Variants in POU6F2 observed in about 807,000 individuals in gnomAD.
POU6F2 encodes POU class 6 homeobox 2, also known as POU domain, class 6, transcription factor 2.
A neutral mutation model predicts 71.3 loss-of-function variants in POU6F2; 31 were observed. That is an observed-to-expected ratio of 0.43 (90% CI 0.33 to 0.59). POU6F2 has a LOEUF of 0.59. Ranked by LOEUF, POU6F2 falls within the 20% of genes least tolerant of loss-of-function variation. The probability of loss-of-function intolerance (pLI) is 0.04; values close to 1 mark genes in which losing one functional copy is unlikely to be tolerated. For missense variants in POU6F2, 783 were observed against 856.8 expected (o/e 0.91, Z 1.07); for synonymous variants, 347 against 355.7 (o/e 0.98, Z 0.27).
intron 4 of POU6F2, among the ~76,000 whole-genome samples, chr7:39,274,208 T>TA (rs1267090898): frequency 1.3e-5 from 2 of 151,962 alleles, no homozygotes; most frequent in Admixed American, 6.6e-5. Context: ...TAAAAAATGA[T>TA]AAAGGGGATA....
At chr7:39,062,068 T>C (rs1040590145) in intron 1 of POU6F2, among the ~76,000 whole-genome samples, 1 of 152,182 alleles carries the variant, frequency 6.6e-6, no homozygotes, top group Non-Finnish European at 1.5e-5. Context: ...GTGAAACTGG[T>C]CTTCTCTTCT....
intron 2 of POU6F2, among the ~76,000 whole-genome samples, chr7:39,165,186 T>C (rs951599768): frequency 6.6e-6 from 1 of 152,142 alleles, no homozygotes; most frequent in African/African-American, 2.4e-5. Context: ...AAAAGGCAAC[T>C]ACACTCCCCC....
At chr7:39,282,047 G>A (rs1784572474) in intron 4 of POU6F2, among the ~76,000 whole-genome samples, 1 of 152,120 alleles carries the variant, frequency 6.6e-6, no homozygotes, top group Non-Finnish European at 1.5e-5. Context: ...GATTGGTGAT[G>A]TTGAGTATTT....
chr7:39,073,127 T>G (rs778167176), intron 1 of POU6F2, among the ~76,000 whole-genome samples: 33 of 152,192 alleles, frequency 2.2e-4, no homozygotes, highest in Non-Finnish European at 4.4e-4. Context: ...AAATATTTGT[T>G]GAATTGCATC....
intron 1 of POU6F2, among the ~76,000 whole-genome samples, chr7:39,053,650 C>A (rs1790444285): frequency 6.6e-6 from 1 of 152,014 alleles, no homozygotes. Context: ...CAGATAATTG[C>A]CCATTTTTTT....
chr7:39,014,863 A>G (rs1354777650), intron 1 of POU6F2, among the ~76,000 whole-genome samples: 1 of 152,068 alleles, frequency 6.6e-6, no homozygotes, highest in East Asian at 1.9e-4. Context: ...GGCGCCTCCT[A>G]CTTCTTAGTT....
intron 8 of POU6F2, among the ~76,000 whole-genome samples, chr7:39,459,598 G>C (rs913445111): frequency 6.6e-6 from 1 of 152,146 alleles, no homozygotes; most frequent in African/African-American, 2.4e-5. Flanking sequence ...ATGGGCTATT[G>C]CGCAGAAAAA....
intron 2 of POU6F2, among the ~76,000 whole-genome samples, chr7:39,109,747 G>A (rs1791765368): frequency 6.6e-6 from 1 of 152,188 alleles, no homozygotes. Context: ...CATTACTGAT[G>A]AAGTTATATT....
At chr7:39,089,462 A>G (rs1184467352) in intron 2 of POU6F2, among the ~76,000 whole-genome samples, 3 of 152,342 alleles carry the variant, frequency 2.0e-5, no homozygotes, top group African/African-American at 7.2e-5. Context: ...ACATAGAGCC[A>G]GTCATTTAAT....
In POU6F2 at chr7:39,000,195, G is replaced by A. The variant is rs115313390; in HGVS notation, c.105+22137G>A. On this transcript the variant is annotated intron_variant, in intron 1 of 9. Coordinates refer to ENST00000518318, the MANE Select transcript of POU6F2 (RefSeq NM_001370959.1). ...AGGTGCCAGCAAGCATGTTTGGGGG[G>A]ACATTGGAGCACACTGTTTAAGCAG... Among the ~76,000 whole-genome samples the A allele has an allele frequency of 7.2e-3, 1,091 of 152,270 alleles. 12 individuals carry two copies. Among genetic ancestry groups the A allele is most frequent in the African/African-American group, 0.025 (1,052 of 41,552 alleles).
intron 5 of POU6F2, among the ~76,000 whole-genome samples, chr7:39,355,548 T>C (rs939366989): frequency 6.6e-6 from 1 of 152,028 alleles, no homozygotes; most frequent in African/African-American, 2.4e-5. Context: ...ATTTCTTAGG[T>C]GTATAGCAGG....
chr7:39,060,100 C>G (rs1487056637), intron 1 of POU6F2, among the ~76,000 whole-genome samples: 3 of 151,674 alleles, frequency 2.0e-5, no homozygotes, highest in Non-Finnish European at 4.4e-5. Context: ...CCCAGCTACT[C>G]GAGAGGCTGA....
At chr7:39,284,005 G>C (rs10247785) in intron 4 of POU6F2, among the ~76,000 whole-genome samples, 1 of 152,100 alleles carries the variant, frequency 6.6e-6, no homozygotes, top group African/African-American at 2.4e-5. Flanking sequence ...ACAAAAAAAG[G>C]ATGCAAATTT....
chr7:39,204,187 C>T, intron 2 of POU6F2, 48 bp from the exon 3 acceptor site: 9 of 1,515,150 alleles, frequency 5.9e-6, no homozygotes, highest in Non-Finnish European at 8.2e-6. Context: ...GACATCAGTT[C>T]CCAAGCTGGA....
chr7:39,394,239 C>A (rs1232826976), intron 5 of POU6F2, among the ~76,000 whole-genome samples: 1 of 152,132 alleles, frequency 6.6e-6, no homozygotes, highest in African/African-American at 2.4e-5. Flanking sequence ...TAATAGAGAA[C>A]ATTCTGTATT....
chr7:39,317,883 A>T (rs1785303453), intron 4 of POU6F2, among the ~76,000 whole-genome samples: 1 of 152,116 alleles, frequency 6.6e-6, no homozygotes, highest in Non-Finnish European at 1.5e-5. Flanking sequence ...GACATCTCTA[A>T]TTCTCATACA....
At chr7:39,067,889 G>C (rs1018711359) in intron 1 of POU6F2, among the ~76,000 whole-genome samples, 5 of 152,012 alleles carry the variant, frequency 3.3e-5, no homozygotes, top group Admixed American at 2.6e-4. Flanking sequence ...CATCTAATAG[G>C]TTAGAAAAAA....
rs1788086184 is a variant in POU6F2 at position 39,430,989 on chromosome 7, G to A, written c.1114-2088G>A. ...TGGGCCTCTCTTACCTTGCCTGTGGGGTCACAGGAGCCAGCCTTTGAATCC... is the reference window on the plus strand; with the variant it reads ...TGGGCCTCTCTTACCTTGCCTGTGGAGTCACAGGAGCCAGCCTTTGAATCC... On this transcript the variant is annotated intron_variant, in intron 6 of 9. Coordinates refer to ENST00000518318, the MANE Select transcript of POU6F2 (RefSeq NM_001370959.1). Among the ~76,000 whole-genome samples, 7 of 152,154 alleles carry A rather than the reference G, an allele frequency of 4.6e-5. No individual in the cohort carries two copies. The South Asian group carries it at 1.5e-3, about 32-fold the overall frequency.
intron 2 of POU6F2, among the ~76,000 whole-genome samples, chr7:39,170,384 A>G (rs77108309): frequency 0.015 from 2,282 of 152,304 alleles, 51 homozygotes; most frequent in African/African-American, 0.052. Flanking sequence ...TATTGGTTGC[A>G]ATAATAATTT....
Sources: allele counts gnomAD v4.1 joint callset (sites outside exome capture counted in the v4.1 genomes callset), GRCh38; gene constraint gnomAD v4.1.1; transcripts MANE v1.5; gene names NCBI Gene and HGNC (gene_info 2026-07-23, HGNC 2026-07-21).